Variants in PCDH15 observed in about 807,000 individuals in gnomAD.
PCDH15 encodes the protein protocadherin-15.
A neutral mutation model predicts 178.5 loss-of-function variants in PCDH15; 129 were observed. The observed-to-expected ratio is 0.72, with a 90% CI of 0.63 to 0.84. PCDH15 has a LOEUF of 0.84. Among genes scored for constraint, PCDH15 ranks in the 40% least tolerant of loss-of-function variants. The probability of loss-of-function intolerance (pLI) is 0.00; values close to 1 mark genes in which losing one functional copy is unlikely to be tolerated. For synonymous variants in PCDH15, 800 were observed against 732.0 expected (o/e 1.09, Z -1.50); for missense variants, 2,230 against 2,099.9 (o/e 1.06, Z -1.21).
chr10:54,212,611 C>T (rs1427618392), intron 10 of PCDH15, among the ~76,000 whole-genome samples: 3 of 152,060 alleles, frequency 2.0e-5, no homozygotes, highest in Non-Finnish European at 4.4e-5. Context: ...TTCTGTGTGT[C>T]GTTACCGCTT....
intron 18 of PCDH15, among the ~76,000 whole-genome samples, chr10:54,059,420 C>T (rs1013375750): frequency 1.3e-5 from 2 of 152,198 alleles, no homozygotes; most frequent in Admixed American, 1.3e-4. Context: ...TCTTATATAA[C>T]AATAAGTAAA....
At chr10:54,028,060 T>G (rs1360538108) in intron 18 of PCDH15, among the ~76,000 whole-genome samples, 3 of 150,924 alleles carry the variant, frequency 2.0e-5, no homozygotes, top group African/African-American at 4.9e-5. Context: ...AGGGCTAATA[T>G]CCAGAATCTA....
At chr10:55,128,182 C>T (rs978222082) in intron 2 of PCDH15, among the ~76,000 whole-genome samples, 1 of 151,938 alleles carries the variant, frequency 6.6e-6, no homozygotes, top group Admixed American at 6.6e-5. Flanking sequence ...AAAGCTATTC[C>T]TCTCAACCCT....
intron 1 of PCDH15, among the ~76,000 whole-genome samples, chr10:54,672,494 T>C (rs181349798): frequency 5.3e-4 from 80 of 152,248 alleles, no homozygotes; most frequent in African/African-American, 1.8e-3. Flanking sequence ...AAGATAAATC[T>C]TCCTGCTCTG....
rs71984217 is a variant in PCDH15, at chr10:54,309,320, T to TACAC, written c.876+7947_876+7950dup. ...ACACACAAACATATATATACGTACATACACACACACACACACACACACACA... is the reference window on the plus strand; with the variant it reads ...ACACACAAACATATATATACGTACATACACACACACACACACACACACACACACA... On this transcript the variant is annotated intron_variant, in intron 8 of 37. Coordinates refer to ENST00000644397, the MANE Select transcript of PCDH15 (RefSeq NM_001384140.1). Among the ~76,000 whole-genome samples, 530 of 146,278 alleles carry TACAC rather than the reference T, an allele frequency of 3.6e-3. 2 individuals are homozygous for TACAC. The highest frequency in any genetic ancestry group is 0.018 in the South Asian group (81 of 4,538).
chr10:54,057,141 T>C (rs80298394), intron 18 of PCDH15, among the ~76,000 whole-genome samples: 2 of 152,304 alleles, frequency 1.3e-5, no homozygotes, highest in African/African-American at 4.8e-5. Context: ...TGTCTGCGAC[T>C]TGCCAGGCCC....
intron 26 of PCDH15, among the ~76,000 whole-genome samples, chr10:53,870,150 T>C (rs1435540787): frequency 6.6e-6 from 1 of 152,336 alleles, no homozygotes; most frequent in East Asian, 1.9e-4. Flanking sequence ...CACTTTGCAA[T>C]ATTCCTAATA....
intron 2 of PCDH15, chr10:55,469,358 A>T (rs896897486): frequency 9.9e-5 from 15 of 152,116 alleles, no homozygotes; most frequent in African/African-American, 3.6e-4. Context: ...CATATTTTTA[A>T]GCAAATTGTT....
intron 5 of PCDH15, among the ~76,000 whole-genome samples, chr10:54,363,981 G>C (rs560436611): frequency 6.6e-6 from 1 of 152,172 alleles, no homozygotes; most frequent in South Asian, 2.1e-4. Context: ...GGGAGGCTGA[G>C]GCAGGCGGAT....
chr10:54,972,951 T>C (rs1838975900), intron 2 of PCDH15, among the ~76,000 whole-genome samples: 1 of 151,476 alleles, frequency 6.6e-6, no homozygotes, highest in Admixed American at 6.6e-5. Flanking sequence ...TTATGAAATA[T>C]TTAATAACAG....
intron 2 of PCDH15, among the ~76,000 whole-genome samples, chr10:54,549,791 T>G (rs1037075699): frequency 6.0e-4 from 91 of 152,186 alleles, no homozygotes; most frequent in African/African-American, 2.0e-3. Context: ...TCTTCTACAG[T>G]GATGTTTGTT....
At chr10:55,071,546 A>C (rs1841747286) in intron 2 of PCDH15, among the ~76,000 whole-genome samples, 1 of 152,180 alleles carries the variant, frequency 6.6e-6, no homozygotes, top group Non-Finnish European at 1.5e-5. Context: ...AGAAGAGCTA[A>C]CTATCCTAAA....
intron 2 of PCDH15, among the ~76,000 whole-genome samples, chr10:54,933,764 T>C (rs1484674836): frequency 6.6e-6 from 1 of 152,236 alleles, no homozygotes; most frequent in Non-Finnish European, 1.5e-5. Flanking sequence ...ATGTGCAAAC[T>C]TTATCAGTGA....
chr10:54,116,767 G>C (rs1249278547), intron 15 of PCDH15, among the ~76,000 whole-genome samples: 1 of 152,182 alleles, frequency 6.6e-6, no homozygotes, highest in Non-Finnish European at 1.5e-5. Context: ...TAAATACTGA[G>C]TTGTGTTTAG....
At chr10:54,491,869 G>A (rs559495425) in intron 3 of PCDH15, among the ~76,000 whole-genome samples, 2 of 152,228 alleles carry the variant, frequency 1.3e-5, no homozygotes, top group South Asian at 4.1e-4. Flanking sequence ...GCATAATGAA[G>A]AGTTAAAATC....
chr10:54,377,458 C>T (rs748118117), intron 4 of PCDH15, among the ~76,000 whole-genome samples: 5 of 151,992 alleles, frequency 3.3e-5, no homozygotes, highest in Non-Finnish European at 7.4e-5. Context: ...CCCCTAAAAG[C>T]ACTGTGGCAG....
intron 2 of PCDH15, among the ~76,000 whole-genome samples, chr10:54,565,958 C>A (rs1214220965): frequency 6.6e-6 from 1 of 152,064 alleles, no homozygotes; most frequent in Non-Finnish European, 1.5e-5. Flanking sequence ...GTGATGCATG[C>A]CTGTAATCCC....
intron 2 of PCDH15, among the ~76,000 whole-genome samples, chr10:54,923,618 C>G (rs1837547593): frequency 7.2e-6 from 1 of 137,984 alleles, no homozygotes; most frequent in Non-Finnish European, 1.7e-5. Flanking sequence ...TTTCTGCCAT[C>G]AGATACCCTA....
chr10:55,072,938 T>C (rs1040933281), intron 2 of PCDH15, among the ~76,000 whole-genome samples: 6 of 150,354 alleles, frequency 4.0e-5, no homozygotes, highest in African/African-American at 1.5e-4. Context: ...GCAAGGCTGG[T>C]TCAATATACG....
Sources: gnomAD v4.1 joint callset for allele counts (sites outside exome capture counted in the v4.1 genomes callset) on GRCh38, gnomAD v4.1.1 for gene constraint, MANE v1.5 for transcripts, NCBI Gene and HGNC (gene_info 2026-07-23, HGNC 2026-07-21) for gene names.